VPS8: variants seen among roughly 807,000 people sequenced by gnomAD.
VPS8 encodes the protein VPS8 subunit of CORVET complex, also known as vacuolar protein sorting-associated protein 8 homolog.
Under a neutral mutation model 216.4 loss-of-function variants are expected in VPS8, and 129 were observed. The ratio of observed to expected loss-of-function variants is 0.60; its 90% CI spans 0.52 to 0.69. VPS8 has a LOEUF of 0.69. Among genes scored for constraint, VPS8 ranks in the 30% least tolerant of loss-of-function variants. VPS8 has a pLI of 0.00. For missense variants in VPS8, 1,531 were observed against 1,683.5 expected, an observed-to-expected ratio of 0.91 and a Z score of 1.59; for synonymous variants, 571 against 565.4, an observed-to-expected ratio of 1.01 and a Z score of -0.14.
chr3:184,846,879 T>A (rs933522968), intron 8 of VPS8, among the ~76,000 whole-genome samples: 2 of 152,224 alleles, frequency 1.3e-5, no homozygotes, highest in Non-Finnish European at 2.9e-5. Context: ...GAAATAAGGA[T>A]CATGCAAAAC....
At chr3:184,908,914 C>T (rs924532763) in intron 25 of VPS8, among the ~76,000 whole-genome samples, 3 of 152,152 alleles carry the variant, frequency 2.0e-5, no homozygotes, top group Non-Finnish European at 2.9e-5. Context: ...AGGCAACATT[C>T]GATTGGTTAA....
intron 40 of VPS8, among the ~76,000 whole-genome samples, chr3:184,976,045 G>A (rs956417015): frequency 6.6e-6 from 1 of 151,922 alleles, no homozygotes; most frequent in Non-Finnish European, 1.5e-5. Flanking sequence ...CCATCATTAC[G>A]TCCATGTATA....
intron 25 of VPS8, among the ~76,000 whole-genome samples, chr3:184,909,212 G>T (rs982688778): frequency 6.6e-6 from 1 of 152,200 alleles, no homozygotes; most frequent in Non-Finnish European, 1.5e-5. Flanking sequence ...AAAGGGAGAT[G>T]GCAATACATA....
At chr3:184,845,558 G>A (rs1045356914) in intron 8 of VPS8, among the ~76,000 whole-genome samples, 11 of 152,006 alleles carry the variant, frequency 7.2e-5, no homozygotes, top group Non-Finnish European at 1.3e-4. Flanking sequence ...TCGGGAGTTC[G>A]AGACCAGTCT....
chr3:184,993,064 T>C (rs1034640811), intron 42 of VPS8, among the ~76,000 whole-genome samples: 10 of 152,112 alleles, frequency 6.6e-5, no homozygotes, highest in African/African-American at 2.4e-4. Flanking sequence ...ATTTATATTC[T>C]GTACCTATTA....
Position 185,020,391 on chromosome 3 carries a change from T to A in VPS8, c.4003-3945T>A, listed in dbSNP as rs558907112. ...TGTGTGATTGGATTGTGCTTTTTAT[T>A]TGCTTTGTTTGAGCTGTTATATTTC... On this transcript the variant is annotated intron_variant, in intron 45 of 47. Transcript: ENST00000625842. 2.0e-5 allele frequency among the ~76,000 whole-genome samples: 3 copies of A among 152,308 alleles called. 1 individual carries two copies. In the South Asian group the frequency reaches 6.2e-4, roughly 32 times the overall value.
At chr3:184,837,530 G>A (rs996054055) in intron 5 of VPS8, among the ~76,000 whole-genome samples, 3 of 152,174 alleles carry the variant, frequency 2.0e-5, no homozygotes, top group Non-Finnish European at 2.9e-5. Flanking sequence ...TGTTAGGCAT[G>A]TTTGACACAC....
chr3:184,823,077 C>A (rs557911303), intron 1 of VPS8, among the ~76,000 whole-genome samples: 38 of 152,220 alleles, frequency 2.5e-4, no homozygotes, highest in African/African-American at 8.7e-4. Flanking sequence ...CTATTCATTT[C>A]TTTTAATATG....
intron 25 of VPS8, among the ~76,000 whole-genome samples, chr3:184,909,895 G>C (rs569459431): frequency 6.6e-6 from 1 of 151,754 alleles, no homozygotes; most frequent in African/African-American, 2.4e-5. Flanking sequence ...TGCTCTATCA[G>C]GTATTTTTCA....
At chr3:184,897,133 C>T (rs1733647005) in intron 23 of VPS8, among the ~76,000 whole-genome samples, 1 of 152,052 alleles carries the variant, frequency 6.6e-6, no homozygotes, top group Admixed American at 6.5e-5. Flanking sequence ...AAGTTTTAAG[C>T]AAGAGCACCC....
rs758939120 is a variant in VPS8 at position 184,971,748 on chromosome 3, G to A, written c.3416G>A (p.Arg1139His). ...RNSHNLNQQQ[R>H]EALWFPLLEA... ...TCACATAATTTGAACCAGCAGCAAC[G>A]TGAGGTAGGAGAATGACTGTTTAGG... Residue 1139 changes from arginine to histidine, a missense_variant, in exon 40 of 48, where the codon CGT (arginine) becomes CAT (histidine). This residue lies in a region of VPS8 where 1,318 missense variants were observed against 1,468.4 expected (regional missense o/e 0.90). Coordinates refer to ENST00000625842, the MANE Select transcript of VPS8 (RefSeq NM_001009921.3). 28 of 1,611,886 alleles carry A rather than the reference G, an allele frequency of 1.7e-5. 1 individual carries two copies. The highest frequency in any genetic ancestry group is 5.3e-5 in the African/African-American group (4 of 74,868).
At chr3:184,972,489 C>T (rs867636636) in intron 40 of VPS8, among the ~76,000 whole-genome samples, 1 of 152,212 alleles carries the variant, frequency 6.6e-6, no homozygotes, top group African/African-American at 2.4e-5. Flanking sequence ...TGTACTAATT[C>T]TCAACCTTGG....
chr3:184,969,933 G>A (rs1449830915), intron 39 of VPS8, among the ~76,000 whole-genome samples: 9 of 114,376 alleles, frequency 7.9e-5, no homozygotes, highest in African/African-American at 2.1e-4. Flanking sequence ...TTTTTGAGAC[G>A]GAGTCTCACT....
chr3:184,954,190 G>A (rs1378167955), intron 36 of VPS8, among the ~76,000 whole-genome samples: 1 of 152,186 alleles, frequency 6.6e-6, no homozygotes. Context: ...AGAGGTTTGT[G>A]GGAAGGGCCA....
chr3:184,958,701 A>G (rs1163867991), intron 37 of VPS8, among the ~76,000 whole-genome samples: 1 of 152,228 alleles, frequency 6.6e-6, no homozygotes, highest in Non-Finnish European at 1.5e-5. Context: ...AAAATGTTCA[A>G]ATACTAGTTT....
chr3:185,032,813 C>G (rs900000107), intron 46 of VPS8, among the ~76,000 whole-genome samples: 1 of 152,098 alleles, frequency 6.6e-6, no homozygotes, highest in African/African-American at 2.4e-5. Flanking sequence ...CTACAGGTGT[C>G]CGCCACCAAG....
At position 184,894,922 on chromosome 3, in the gene VPS8, G is replaced by A; in HGVS notation, c.2001G>A (p.Gln667=). The change falls in exon 23 of 48, where the codon CAG becomes CAA. Residue 667 remains glutamine, a synonymous_variant. Transcript: ENST00000625842. ...VHMDITSLDI[Q]QVVLMCWENR... is the part of the protein sequence containing the mutation. ...TGGATATCACCAGCCTAGATATTCA[G>A]CAGGTGAGTTTATAGACAGTCTACT... 6.2e-7 allele frequency: 1 copy of A among 1,600,042 alleles called. No homozygotes were observed. Among genetic ancestry groups the A allele is most frequent in the Non-Finnish European group, 8.5e-7 (1 of 1,173,066 alleles).
intron 45 of VPS8, among the ~76,000 whole-genome samples, chr3:185,000,417 T>C (rs528062283): frequency 6.6e-6 from 1 of 152,190 alleles, no homozygotes; most frequent in Admixed American, 6.5e-5. Flanking sequence ...CTTGACAACA[T>C]GAGGGGTTCA....
At chr3:184,990,028 A>G (rs1484022190) in intron 42 of VPS8, among the ~76,000 whole-genome samples, 1 of 152,052 alleles carries the variant, frequency 6.6e-6, no homozygotes, top group Non-Finnish European at 1.5e-5. Context: ...AGCCGAGACC[A>G]CGCCACTGCA....
Sources: gnomAD v4.1 joint callset for allele counts (sites outside exome capture counted in the v4.1 genomes callset) on GRCh38, gnomAD v4.1.1 for gene constraint, gnomAD v4.1.1 regional missense constraint, MANE v1.5 for transcripts, NCBI Gene and HGNC (gene_info 2026-07-23, HGNC 2026-07-21) for gene names.